ADAMTS13: variants seen among roughly 807,000 people sequenced by gnomAD.
ADAMTS13 encodes A disintegrin and metalloproteinase with thrombospondin motifs 13.
A neutral mutation model predicts 155.1 loss-of-function variants in ADAMTS13; 110 were observed. The ratio of observed to expected loss-of-function variants is 0.71; its 90% CI spans 0.61 to 0.83. The LOEUF (loss-of-function observed/expected upper bound fraction) is 0.83. Ranked by LOEUF, ADAMTS13 falls within the 40% of genes least tolerant of loss-of-function variation. The pLI is 0.00. For synonymous variants in ADAMTS13, 758 were observed against 756.4 expected, an observed-to-expected ratio of 1.00 and a Z score of -0.03; for missense variants, 1,707 against 1,891.7, an observed-to-expected ratio of 0.90 and a Z score of 1.81.
Position 133,456,795 on chromosome 9 carries a change from G to A in ADAMTS13, c.3724+76G>A. On this transcript the variant is annotated intron_variant, in intron 27 of 28. Coordinates refer to ENST00000355699, the MANE Select transcript of ADAMTS13 (RefSeq NM_139027.6). The surrounding 1 kb of genome is among the most constrained non-coding windows in gnomAD (Gnocchi z 4.4). ...AGGCTGGGTGGGTGCTGCTGGGGAT[G>A]GGGCCAGTCCCAGTGGGGCAGTGGG... is the stretch of plus-strand genomic sequence containing the variant. 2.0e-6 allele frequency: 3 copies of A among 1,516,042 alleles called. No individual in the cohort carries two copies. In the South Asian group the frequency reaches 3.6e-5, roughly 18 times the overall value. The allele number at this position is 1,516,042 out of a possible 1,614,324, so 93.9% of individuals were successfully genotyped here.
chr9:133,416,628 T>A (rs1254307520), intron 1 of ADAMTS13, among the ~76,000 whole-genome samples: 1 of 151,762 alleles, frequency 6.6e-6, no homozygotes, highest in Admixed American at 6.6e-5. Flanking sequence ...CGTGGAAGAG[T>A]GTCTAGGAGA....
chr9:133,436,535 GTT>G (rs1841231428), intron 11 of ADAMTS13, among the ~76,000 whole-genome samples: 1 of 152,228 alleles, frequency 6.6e-6, no homozygotes, highest in African/African-American at 2.4e-5. Flanking sequence ...CCCCGTCCCT[GTT>G]TTATTGAGTT....
At chr9:133,422,693 G>A (rs145823565) in intron 1 of ADAMTS13, 145 bp downstream of exon 1, 169 of 773,676 alleles carry the variant, frequency 2.2e-4, no homozygotes, top group Non-Finnish European at 3.3e-4. Context: ...TTGGGGCTTT[G>A]GGGGATGAAG....
At chr9:133,415,735 A>G (rs1167203851) in intron 1 of ADAMTS13, 1 of 152,246 alleles carries the variant, frequency 6.6e-6, no homozygotes, top group Admixed American at 6.5e-5. Flanking sequence ...AAGTTTCCCT[A>G]TAGCACACAT....
At position 133,445,294 on chromosome 9, in the gene ADAMTS13, T is replaced by C. The variant is rs1841981858; in HGVS notation, c.2610+242T>C. Among the ~76,000 whole-genome samples the C allele has an allele frequency of 1.3e-5, 2 of 152,162 alleles. No homozygotes were observed. The highest frequency in any genetic ancestry group is 4.8e-5 in the African/African-American group (2 of 41,454). ...AGGGAAGCATCTGAGGAGAGTGTAA[T>C]GCAGCTGCTGTGCAGAGAAATGCTG... On this transcript the variant is annotated intron_variant, in intron 20 of 28. Transcript: ENST00000355699. This position sits in a 1 kb window ranked among gnomAD's most constrained non-coding sequence, Gnocchi z 5.0.
In ADAMTS13 at chr9:133,441,168, C is replaced by T. The variant is rs1451738075; in HGVS notation, c.1968+643C>T. On this transcript the variant is annotated intron_variant, in intron 16 of 28. Transcript: ENST00000355699. This position sits in a 1 kb window ranked among gnomAD's most constrained non-coding sequence, Gnocchi z 5.0. ...GGAAGGCACGTGGAGGGTGGAGAGA[C>T]ATAAGCGCAGGCTGAAACAGACCTG... is the stretch of plus-strand genomic sequence containing the variant. Among the ~76,000 whole-genome samples the T allele has an allele frequency of 6.6e-6, 1 of 152,152 alleles. No individual in the cohort carries two copies. The highest frequency in any genetic ancestry group is 1.5e-5 in the Non-Finnish European group (1 of 68,018).
chr9:133,448,850 G>T (rs1378620977), intron 22 of ADAMTS13, 122 bp downstream of exon 22: 3 of 1,458,842 alleles, frequency 2.1e-6, no homozygotes. Flanking sequence ...CACTGTGTGA[G>T]GCTGGACCAT....
chr9:133,422,360 C>T, upstream of ADAMTS13: 1 of 1,275,100 alleles, frequency 7.8e-7, no homozygotes, highest in Middle Eastern at 2.1e-4. Flanking sequence ...GTGAGCAGGC[C>T]TGTCCCATTC....
intron 8 of ADAMTS13, among the ~76,000 whole-genome samples, chr9:133,431,343 T>C (rs938594265): frequency 2.0e-4 from 31 of 151,666 alleles, no homozygotes; most frequent in African/African-American, 6.0e-4. Context: ...TTTTTTTTTT[T>C]TGAGACAGAG....
At chr9:133,423,648 T>C (rs1167074121) in intron 2 of ADAMTS13, among the ~76,000 whole-genome samples, 1 of 152,206 alleles carries the variant, frequency 6.6e-6, no homozygotes, top group Non-Finnish European at 1.5e-5. Flanking sequence ...AGTAGGGCCA[T>C]TGGCAACTTG....
chr9:133,438,524 C>T (rs1042503937), intron 14 of ADAMTS13, among the ~76,000 whole-genome samples, 158 bp downstream of exon 14: 11 of 152,174 alleles, frequency 7.2e-5, no homozygotes, highest in African/African-American at 2.4e-4. Flanking sequence ...TCTTCCACTT[C>T]GCCACCCTTC....
intron 8 of ADAMTS13, among the ~76,000 whole-genome samples, chr9:133,431,550 A>G (rs1179677609): frequency 6.6e-6 from 1 of 151,896 alleles, no homozygotes; most frequent in African/African-American, 2.4e-5. Context: ...CTGGTCTCGA[A>G]TTCTGACCTC....
At chr9:133,418,857 T>C (rs1394314158), upstream of ADAMTS13, among the ~76,000 whole-genome samples, 1 of 152,178 alleles carries the variant, frequency 6.6e-6, no homozygotes, top group African/African-American at 2.4e-5. Flanking sequence ...CCTTTTAGTT[T>C]TTACTTCTTT....
Position 133,459,087 on chromosome 9 carries a change from T to TG in ADAMTS13, c.4023_4024insG (p.Gln1342AlafsTer47). On this transcript the variant is annotated frameshift_variant, in exon 29 of 29. Transcript: ENST00000355699. LOFTEE classifies it low-confidence loss of function (END_TRUNC). ...AGTTCAGCGAGGGCTTCCTGAAGGC[T>TG]CAGGCCAGCCTGCGGGGCCAGTACT... is the stretch of plus-strand genomic sequence containing the variant. 6.2e-7 allele frequency: 1 copy of TG among 1,612,830 alleles called. No homozygotes were observed. Among genetic ancestry groups the TG allele is most frequent in the Non-Finnish European group, 8.5e-7 (1 of 1,179,912 alleles).
intron 1 of ADAMTS13, among the ~76,000 whole-genome samples, chr9:133,416,983 CCT>C (rs1467195428): frequency 6.6e-6 from 1 of 152,198 alleles, no homozygotes; most frequent in Non-Finnish European, 1.5e-5. Context: ...CTTCTTTCTC[CCT>C]GTCTTGCTAC....
In ADAMTS13 at chr9:133,424,583, G is replaced by A; in HGVS notation, c.330+105G>A. ...GTCTGAATACAGTGGGTTAAACTCA[G>A]GTAGAATGGCTCGGGGTTCTTCCTC... is the stretch of plus-strand genomic sequence containing the variant. On this transcript the variant is annotated intron_variant, in intron 3 of 28. Coordinates refer to ENST00000355699, the MANE Select transcript of ADAMTS13 (RefSeq NM_139027.6). The surrounding 1 kb of genome is among the most constrained non-coding windows in gnomAD (Gnocchi z 4.3). 8 of 1,508,810 alleles carry A rather than the reference G, an allele frequency of 5.3e-6. No homozygotes were observed. Among genetic ancestry groups the A allele is most frequent in the South Asian group, 1.2e-5 (1 of 82,804 alleles). 93.5% of individuals were successfully genotyped at this position (1,508,810 alleles called of 1,614,324 possible). A position where few individuals can be genotyped will look rare whatever the true frequency, so the allele number is the denominator to read the frequency against.
intron 8 of ADAMTS13, 21 bp downstream of exon 8, chr9:133,430,122 CTGGGAT>C: frequency 6.4e-7 from 1 of 1,563,266 alleles, no homozygotes; most frequent in Non-Finnish European, 8.6e-7. Context: ...CGGCGGTGGC[CTGGGAT>C]TGGCTGTGAG....
intron 1 of ADAMTS13, among the ~76,000 whole-genome samples, chr9:133,416,321 T>A (rs183839960): frequency 7.7e-4 from 118 of 152,272 alleles, no homozygotes; most frequent in African/African-American, 2.6e-3. Flanking sequence ...CATGACCCAA[T>A]ACCTCCTATG....
At chr9:133,420,078 A>C (rs1033099181), upstream of ADAMTS13, among the ~76,000 whole-genome samples, 1 of 151,870 alleles carries the variant, frequency 6.6e-6, no homozygotes, top group Non-Finnish European at 1.5e-5. Flanking sequence ...CTAATTTTGT[A>C]CTTTTAGTAG....
Sources: allele counts gnomAD v4.1 joint callset (sites outside exome capture counted in the v4.1 genomes callset), GRCh38; gene constraint gnomAD v4.1.1; non-coding constraint Gnocchi (gnomAD v3.1); transcripts MANE v1.5; gene names NCBI Gene and HGNC (gene_info 2026-07-23, HGNC 2026-07-21).